STK39: variants seen among roughly 807,000 people sequenced by gnomAD.
STK39 encodes STE20/SPS1-related proline-alanine-rich protein kinase.
STK39 carries 20 observed loss-of-function variants against 77.8 expected under a neutral mutation model. The observed-to-expected ratio is 0.26, with a 90% CI of 0.18 to 0.37. STK39 has a LOEUF of 0.37. Among genes scored for constraint, STK39 ranks in the 10% least tolerant of loss-of-function variants. STK39 has a pLI of 1.00. For synonymous variants in STK39, 246 were observed against 234.1 expected (o/e 1.05, Z -0.47); for missense variants, 479 against 656.5 (o/e 0.73, Z 2.95).
Position 168,179,154 on chromosome 2 carries a change from T to C in STK39, c.321+2824A>G, listed in dbSNP as rs77945954. On this transcript the variant is annotated intron_variant, in intron 2 of 17. Coordinates refer to ENST00000355999, the MANE Select transcript of STK39 (RefSeq NM_013233.3). ...GGTTTCCAGTTAACACATGGCACAGTCTGTGAGACGATGCAGTGCACTGAC... is the reference window on the plus strand; with the variant it reads ...GGTTTCCAGTTAACACATGGCACAGCCTGTGAGACGATGCAGTGCACTGAC... Among the ~76,000 whole-genome samples, 647 of 152,236 alleles carry C rather than the reference T, an allele frequency of 4.2e-3. 7 individuals carry two copies. The highest frequency in any genetic ancestry group is 0.015 in the African/African-American group (620 of 41,534).
Position 168,174,090 on chromosome 2 carries a change from T to C in STK39, c.322-6683A>G, listed in dbSNP as rs1427351231. On this transcript the variant is annotated intron_variant, in intron 2 of 17. Transcript: ENST00000355999. ...GGAAGGCAGGTTTACAAATGGGAAC[T>C]AGGTATTTTGAAGAAAGAGAAACAT... 2.0e-5 allele frequency among the ~76,000 whole-genome samples: 3 copies of C among 152,202 alleles called. No homozygotes were observed. In the East Asian group the frequency reaches 5.8e-4, roughly 29 times the overall value.
In STK39 at chr2:168,219,796, T is replaced by C. The variant is rs543474056; in HGVS notation, c.208+27432A>G. Among the ~76,000 whole-genome samples the C allele has an allele frequency of 7.5e-4, 114 of 151,922 alleles. 1 individual carries two copies. Among genetic ancestry groups the C allele is most frequent in the African/African-American group, 2.6e-3 (108 of 41,428 alleles). ...GAGACAGTGTTCACAACTTGATAGA[T>C]GCCTTCCAGGCCCTGACAAGTTACC... On this transcript the variant is annotated intron_variant, in intron 1 of 17. Coordinates refer to ENST00000355999, the MANE Select transcript of STK39 (RefSeq NM_013233.3).
intron 10 of STK39, among the ~76,000 whole-genome samples, chr2:168,118,327 T>C (rs1687310844): frequency 6.6e-6 from 1 of 152,172 alleles, no homozygotes; most frequent in African/African-American, 2.4e-5. Context: ...TAACTGGATG[T>C]GATTTCCAGT....
intron 1 of STK39, among the ~76,000 whole-genome samples, chr2:168,183,457 T>C (rs909496911): frequency 1.1e-4 from 17 of 152,170 alleles, no homozygotes; most frequent in Admixed American, 9.8e-4. Flanking sequence ...CAAGGTCACA[T>C]AGAGCTAATA....
intron 1 of STK39, among the ~76,000 whole-genome samples, chr2:168,230,699 C>T (rs1242083519): frequency 6.6e-6 from 1 of 152,142 alleles, no homozygotes; most frequent in African/African-American, 2.4e-5. Context: ...GTCAGAGGCA[C>T]CCTCGCTGGC....
intron 10 of STK39, among the ~76,000 whole-genome samples, chr2:168,103,654 T>C (rs1000592011): frequency 6.6e-6 from 1 of 152,250 alleles, no homozygotes; most frequent in Non-Finnish European, 1.5e-5. Context: ...ACTATCTCTT[T>C]AACATTTTTT....
At chr2:168,211,859 C>T (rs1372765734) in intron 1 of STK39, among the ~76,000 whole-genome samples, 3 of 152,206 alleles carry the variant, frequency 2.0e-5, no homozygotes, top group African/African-American at 7.2e-5. Context: ...CACAAACACT[C>T]ACTGGTTCTC....
chr2:168,143,923 C>A (rs575389472), intron 5 of STK39, among the ~76,000 whole-genome samples: 1 of 152,216 alleles, frequency 6.6e-6, no homozygotes, highest in Non-Finnish European at 1.5e-5. Flanking sequence ...CTAGGTACAT[C>A]AACCCTCCAT....
chr2:168,180,656 G>A (rs1457088325), intron 2 of STK39, among the ~76,000 whole-genome samples: 1 of 152,144 alleles, frequency 6.6e-6, no homozygotes, highest in Non-Finnish European at 1.5e-5. Flanking sequence ...AAGTGACCTT[G>A]AAAACTGGTT....
At chr2:168,184,876 T>C (rs6749447) in intron 1 of STK39, among the ~76,000 whole-genome samples, 1 of 152,052 alleles carries the variant, frequency 6.6e-6, no homozygotes, top group Non-Finnish European at 1.5e-5. Context: ...TAGATTAGGA[T>C]TCCCAGGATT....
chr2:168,149,319 G>A (rs572984710), intron 5 of STK39, among the ~76,000 whole-genome samples: 1 of 152,328 alleles, frequency 6.6e-6, no homozygotes, highest in South Asian at 2.1e-4. Context: ...GATGCTGGCA[G>A]TGATGACAGC....
intron 8 of STK39, among the ~76,000 whole-genome samples, chr2:168,132,385 G>A (rs1687720350): frequency 6.6e-6 from 1 of 151,578 alleles, no homozygotes; most frequent in Admixed American, 6.6e-5. Flanking sequence ...CCACTGCTTC[G>A]CAAATTAGCG....
At chr2:167,980,753 GTTTT>G (rs35891195) in intron 16 of STK39, among the ~76,000 whole-genome samples, 1 of 141,930 alleles carries the variant, frequency 7.0e-6, no homozygotes. Flanking sequence ...TCTTGTTGTT[GTTTT>G]TTTTTTTTTT....
intron 16 of STK39, among the ~76,000 whole-genome samples, chr2:168,003,065 C>T (rs902050504): frequency 3.3e-5 from 5 of 152,190 alleles, no homozygotes; most frequent in Non-Finnish European, 7.3e-5. Flanking sequence ...CTCACTGCAA[C>T]CTCCGCCTCC....
chr2:168,075,662 C>T (rs1480859817), intron 10 of STK39, among the ~76,000 whole-genome samples: 9 of 151,718 alleles, frequency 5.9e-5, no homozygotes, highest in African/African-American at 1.5e-4. Context: ...AGCCTAATGA[C>T]GCATACTAGA....
Position 168,247,539 on chromosome 2 carries a change from C to CCCCA in STK39, c.-105_-104insTGGG. On this transcript the variant is annotated 5_prime_UTR_variant, in exon 1 of 18. Transcript: ENST00000355999. Reference sequence around the variant, plus strand: ...ACACCTCTCGGCCGGCGCACGCCCTCCCCGCCCGCCGCCGCCGCCGCCGTC... The same window carrying CCCCA: ...ACACCTCTCGGCCGGCGCACGCCCTCCCCACCCGCCCGCCGCCGCCGCCGCCGTC... The CCCCA allele has an allele frequency of 1.0e-6, 1 of 955,126 alleles. No individual in the cohort carries two copies. Among genetic ancestry groups the CCCCA allele is most frequent in the Non-Finnish European group, 1.3e-6 (1 of 777,014 alleles). 59.2% of individuals were successfully genotyped at this position (955,126 alleles called of 1,614,324 possible). A position where few individuals can be genotyped will look rare whatever the true frequency, so the allele number is the denominator to read the frequency against.
chr2:168,227,343 G>C (rs1337447647), intron 1 of STK39, among the ~76,000 whole-genome samples: 1 of 152,076 alleles, frequency 6.6e-6, no homozygotes, highest in East Asian at 1.9e-4. Flanking sequence ...ATAAAGACTA[G>C]TCATGCCAAA....
chr2:168,235,698 T>C (rs71430620), intron 1 of STK39, among the ~76,000 whole-genome samples: 7,061 of 146,768 alleles, frequency 0.048, 187 homozygotes, highest in East Asian at 0.081. Flanking sequence ...AGTGAGAACA[T>C]GCGGTGTTTG....
chr2:168,070,691 C>T (rs981449542), intron 12 of STK39, among the ~76,000 whole-genome samples: 2 of 149,840 alleles, frequency 1.3e-5, no homozygotes, highest in African/African-American at 4.9e-5. Context: ...TGAGAACATG[C>T]GGTGTTTGGT....
Sources: allele counts gnomAD v4.1 joint callset (sites outside exome capture counted in the v4.1 genomes callset), GRCh38; gene constraint gnomAD v4.1.1; transcripts MANE v1.5; gene names NCBI Gene and HGNC (gene_info 2026-07-23, HGNC 2026-07-21).